Variants in AGBL1 observed in about 807,000 individuals in gnomAD.
AGBL1 encodes the protein cytosolic carboxypeptidase 4.
Under a neutral mutation model 118.9 loss-of-function variants are expected in AGBL1, and 130 were observed. The observed-to-expected ratio is 1.09, with a 90% CI of 0.95 to 1.26. The LOEUF (loss-of-function observed/expected upper bound fraction) is 1.26, where lower values mean the gene tolerates loss of function less well. Ranked by LOEUF, AGBL1 falls within the 50% of genes most tolerant of loss-of-function variation. The pLI is 0.00. For missense variants in AGBL1, 1,584 were observed against 1,298.1 expected, an observed-to-expected ratio of 1.22 and a Z score of -3.38; for synonymous variants, 555 against 478.9, an observed-to-expected ratio of 1.16 and a Z score of -2.08.
intron 22 of AGBL1, among the ~76,000 whole-genome samples, chr15:86,809,221 A>G (rs1389292836): frequency 1.3e-5 from 2 of 152,186 alleles, no homozygotes; most frequent in African/African-American, 4.8e-5. Flanking sequence ...TTGAATGTGC[A>G]GTGAAATAAT....
At chr15:86,895,470 A>T (rs767465230) in intron 22 of AGBL1, among the ~76,000 whole-genome samples, 29 of 151,318 alleles carry the variant, frequency 1.9e-4, no homozygotes, top group Non-Finnish European at 4.0e-4. Flanking sequence ...TAAGCTATAT[A>T]CTATAGTAGT....
chr15:86,678,929 G>C (rs1204651543), intron 22 of AGBL1, among the ~76,000 whole-genome samples: 1 of 151,840 alleles, frequency 6.6e-6, no homozygotes, highest in Non-Finnish European at 1.5e-5. Context: ...ATATTTTTTG[G>C]ATTTGTATTC....
rs16978103 is a variant in AGBL1, at chr15:86,935,862, A to G, written c.3222-52125A>G. On this transcript the variant is annotated intron_variant, in intron 23 of 24. Coordinates refer to the AGBL1 transcript ENST00000441037. ...ATGTGCCTGTAAAAATGGCATTTCA[A>G]TGTTCCAAATGTATTCCCCTTTGGT... 1.2e-3 allele frequency among the ~76,000 whole-genome samples: 189 copies of G among 152,374 alleles called. No homozygotes were observed. In the East Asian group the frequency reaches 0.013, roughly 10 times the overall value.
At chr15:86,099,008 C>T (rs1896551635) in intron 1 of AGBL1, among the ~76,000 whole-genome samples, 1 of 151,948 alleles carries the variant, frequency 6.6e-6, no homozygotes, top group African/African-American at 2.4e-5. Flanking sequence ...TTGTAGTTTT[C>T]CCTGTAGAGA....
intron 24 of AGBL1, among the ~76,000 whole-genome samples, chr15:86,996,151 T>C (rs2081378321): frequency 6.6e-6 from 1 of 152,190 alleles, no homozygotes; most frequent in African/African-American, 2.4e-5. Context: ...TTTACTCATT[T>C]GTTCATATAC....
At chr15:86,890,043 G>T (rs2080029087) in intron 22 of AGBL1, among the ~76,000 whole-genome samples, 1 of 152,102 alleles carries the variant, frequency 6.6e-6, no homozygotes, top group South Asian at 2.1e-4. Flanking sequence ...TTTCTCTGCA[G>T]TCTTGCCAGC....
intron 20 of AGBL1, among the ~76,000 whole-genome samples, chr15:86,551,711 G>A (rs2083665349): frequency 6.6e-6 from 1 of 152,140 alleles, no homozygotes; most frequent in African/African-American, 2.4e-5. Context: ...TGAGGTCTGT[G>A]TTATCCTGAT....
chr15:86,856,461 A>G (rs2079481932), intron 22 of AGBL1, among the ~76,000 whole-genome samples: 1 of 152,264 alleles, frequency 6.6e-6, no homozygotes, highest in Non-Finnish European at 1.5e-5. Context: ...GCAAAGACAG[A>G]CTGACAGAAA....
Position 86,879,800 on chromosome 15 carries a change from A to G in AGBL1, c.3159-27287A>G, listed in dbSNP as rs534640492. Among the ~76,000 whole-genome samples, 3 of 152,286 alleles carry G rather than the reference A, an allele frequency of 2.0e-5. No individual in the cohort carries two copies. In the East Asian group the frequency reaches 5.8e-4, roughly 30 times the overall value. On this transcript the variant is annotated intron_variant, in intron 22 of 22. Transcript: ENST00000614907. ...TTGTGGGTGTTTGTCAGAGGTGGCC[A>G]CAGGCTTCGTGCCAGGGCTCTGGGC... is the stretch of plus-strand genomic sequence containing the variant.
intron 1 of AGBL1, among the ~76,000 whole-genome samples, chr15:86,125,841 A>C (rs1898394748): frequency 6.6e-6 from 1 of 152,346 alleles, no homozygotes; most frequent in East Asian, 1.9e-4. Flanking sequence ...ACAAATTTGT[A>C]TTCCTTAAGT....
intron 23 of AGBL1, among the ~76,000 whole-genome samples, chr15:86,944,481 A>T (rs1013953709): frequency 6.6e-6 from 1 of 152,178 alleles, no homozygotes. Context: ...GAGCTGAGTT[A>T]GGGGACCAAT....
chr15:87,011,887 T>C (rs561965730), intron 24 of AGBL1, among the ~76,000 whole-genome samples: 1 of 152,306 alleles, frequency 6.6e-6, no homozygotes, highest in Admixed American at 6.5e-5. Flanking sequence ...CTTTAATTAC[T>C]TTGCAGAAAA....
At chr15:87,006,992 C>T (rs1417867079) in intron 24 of AGBL1, among the ~76,000 whole-genome samples, 1 of 152,058 alleles carries the variant, frequency 6.6e-6, no homozygotes, top group Non-Finnish European at 1.5e-5. Context: ...TAAAACAAAG[C>T]AGGGAAAAAC....
intron 16 of AGBL1, among the ~76,000 whole-genome samples, chr15:86,294,313 C>A (rs968798265): frequency 6.8e-6 from 1 of 146,364 alleles, no homozygotes; most frequent in Admixed American, 7.1e-5. Context: ...GCAGGAGAAT[C>A]GCTTGAACCT....
downstream of AGBL1, among the ~76,000 whole-genome samples, chr15:86,917,866 T>TA (rs57222378): frequency 0.3 from 46,032 of 151,670 alleles, 8,402 homozygotes; most frequent in East Asian, 0.51. The surrounding 1 kb of genome is among the most constrained non-coding windows in gnomAD (Gnocchi z 4.8). Flanking sequence ...TCCTGACTCA[T>TA]AAAAAAGTGA....
At chr15:86,720,233 C>T (rs559935347) in intron 22 of AGBL1, among the ~76,000 whole-genome samples, 4 of 152,246 alleles carry the variant, frequency 2.6e-5, no homozygotes, top group African/African-American at 7.2e-5. Flanking sequence ...TTTTCTCCAC[C>T]TCCTAACCTT....
chr15:86,176,869 G>A (rs1397274550), intron 5 of AGBL1, among the ~76,000 whole-genome samples: 1 of 152,130 alleles, frequency 6.6e-6, no homozygotes, highest in Non-Finnish European at 1.5e-5. Flanking sequence ...GGAGTCTGTG[G>A]GAATGTGGAG....
chr15:86,542,310 T>C (rs1325854712), intron 19 of AGBL1, among the ~76,000 whole-genome samples: 1 of 151,828 alleles, frequency 6.6e-6, no homozygotes, highest in Admixed American at 6.6e-5. Flanking sequence ...AACTCTGTAG[T>C]TGTTCTCCTT....
intron 6 of AGBL1, among the ~76,000 whole-genome samples, chr15:86,233,018 G>C (rs1368217099): frequency 6.6e-6 from 1 of 152,162 alleles, no homozygotes; most frequent in East Asian, 1.9e-4. Context: ...TCTCACTAGA[G>C]CCTGTAATAT....
Sources: allele counts gnomAD v4.1 joint callset (sites outside exome capture counted in the v4.1 genomes callset), GRCh38; gene constraint gnomAD v4.1.1; non-coding constraint Gnocchi (gnomAD v3.1); transcripts MANE v1.5; gene names NCBI Gene and HGNC (gene_info 2026-07-23, HGNC 2026-07-21).